Variants in UBR3 observed in about 807,000 individuals in gnomAD.
The protein encoded by UBR3 is E3 ubiquitin-protein ligase UBR3.
A neutral mutation model predicts 243.2 loss-of-function variants in UBR3; 85 were observed. The observed-to-expected ratio is 0.35, with a 90% CI of 0.29 to 0.42. The LOEUF (loss-of-function observed/expected upper bound fraction) is 0.42, where lower values mean the gene tolerates loss of function less well. Ranked by LOEUF, UBR3 falls within the 10% of genes least tolerant of loss-of-function variation. The pLI, the probability that UBR3 is intolerant of heterozygous loss-of-function variation, is 1.00. For synonymous variants in UBR3, 748 were observed against 799.8 expected (o/e 0.94, Z 1.09); for missense variants, 1,686 against 2,300.8 (o/e 0.73, Z 5.47).
chr2:170,046,859 T>A (rs2091101549), intron 32 of UBR3, among the ~76,000 whole-genome samples: 1 of 152,206 alleles, frequency 6.6e-6, no homozygotes, highest in Non-Finnish European at 1.5e-5. Context: ...CCCAGTATTA[T>A]GAATTCTTGG....
chr2:169,923,434 C>T (rs570864949), intron 11 of UBR3, among the ~76,000 whole-genome samples: 2 of 152,254 alleles, frequency 1.3e-5, no homozygotes, highest in African/African-American at 2.4e-5. Context: ...ATTAGTAGCT[C>T]CTACCCCATA....
At chr2:169,872,478 T>G in intron 2 of UBR3, 103 bp downstream of exon 2, 1 of 839,084 alleles carries the variant, frequency 1.2e-6, no homozygotes, top group South Asian at 2.1e-5. Context: ...CTTTTTTTGT[T>G]TAACATTTAA....
chr2:170,053,099 G>A (rs2091258595), intron 32 of UBR3, among the ~76,000 whole-genome samples: 2 of 152,174 alleles, frequency 1.3e-5, no homozygotes, highest in South Asian at 4.1e-4. Context: ...AATTAACATA[G>A]AAGGCCTGAC....
At chr2:169,920,398 A>T (rs1220034611) in intron 11 of UBR3, among the ~76,000 whole-genome samples, 1 of 152,166 alleles carries the variant, frequency 6.6e-6, no homozygotes, top group Non-Finnish European at 1.5e-5. Flanking sequence ...GCACACCAAC[A>T]TGGCACATGT....
Position 169,872,236 on chromosome 2 carries a change from G to T in UBR3, c.546G>T (p.Gly182=), listed in dbSNP as rs2083460921. The part of the protein sequence containing the change: ...CGDSNVMRES[G]FCKRHQIKSS... ...AATTTTTTTCTTTTTCATATTACAG[G>T]TTTTGCAAAAGGCATCAAATTAAAT... The change falls in exon 2 of 39, where the codon GGG becomes GGT. Residue 182 remains glycine, a splice_region_variant and synonymous_variant. Coordinates refer to ENST00000272793, the MANE Select transcript of UBR3 (RefSeq NM_172070.4). 9 of 1,510,664 alleles carry T rather than the reference G, an allele frequency of 6.0e-6. No individual in the cohort carries two copies. In the South Asian group the frequency reaches 1.1e-4, roughly 18 times the overall value. 93.6% of individuals were successfully genotyped at this position (1,510,664 alleles called of 1,614,324 possible).
chr2:169,992,812 G>A (rs2089328822), intron 25 of UBR3, among the ~76,000 whole-genome samples: 1 of 152,170 alleles, frequency 6.6e-6, no homozygotes, highest in South Asian at 2.1e-4. Flanking sequence ...TCAGGCTAGA[G>A]TGCAGTGGCA....
intron 5 of UBR3, among the ~76,000 whole-genome samples, chr2:169,883,562 C>T (rs2083975290): frequency 6.6e-6 from 1 of 152,172 alleles, no homozygotes; most frequent in South Asian, 2.1e-4. Context: ...ACTTCCACAA[C>T]CAGGATATGA....
chr2:169,986,520 T>C, intron 24 of UBR3, 125 bp from the exon 25 acceptor site: 2 of 800,448 alleles, frequency 2.5e-6, no homozygotes, highest in South Asian at 2.2e-5. Context: ...TTCCACAGTT[T>C]TATTACTGTA....
At chr2:170,077,927 A>G in intron 36 of UBR3, 1 of 521,962 alleles carries the variant, frequency 1.9e-6, no homozygotes, top group Non-Finnish European at 3.6e-6. Flanking sequence ...TCCCTGGGCA[A>G]GTTACATTTA....
chr2:169,962,728 C>T (rs1260540635), intron 24 of UBR3, among the ~76,000 whole-genome samples: 1 of 148,616 alleles, frequency 6.7e-6, no homozygotes, highest in Non-Finnish European at 1.5e-5. Flanking sequence ...AAAAATCTTT[C>T]TGAAAGAGTT....
chr2:170,006,484 G>T (rs2089916711), intron 27 of UBR3, among the ~76,000 whole-genome samples: 1 of 152,176 alleles, frequency 6.6e-6, no homozygotes, highest in South Asian at 2.1e-4. Flanking sequence ...CACTAACTCA[G>T]TTGTCCAATC....
chr2:169,986,877 A>T, intron 25 of UBR3, 83 bp downstream of exon 25: 2 of 1,420,842 alleles, frequency 1.4e-6, no homozygotes, highest in Non-Finnish European at 1.9e-6. Flanking sequence ...TATTAAATGA[A>T]AATTATATCT....
intron 30 of UBR3, among the ~76,000 whole-genome samples, chr2:170,021,049 G>GCAGC: frequency 6.6e-6 from 1 of 152,230 alleles, no homozygotes; most frequent in Middle Eastern, 3.4e-3. Flanking sequence ...CCTTTTAAAG[G>GCAGC]ATGGTGATAT....
At chr2:170,023,347 A>T (rs751408045) in intron 30 of UBR3, among the ~76,000 whole-genome samples, 10 of 152,138 alleles carry the variant, frequency 6.6e-5, no homozygotes, top group Non-Finnish European at 1.2e-4. Flanking sequence ...ATACAGACCC[A>T]GTTAAGTTTA....
At chr2:170,004,977 A>C (rs1352733928) in intron 27 of UBR3, among the ~76,000 whole-genome samples, 1 of 152,196 alleles carries the variant, frequency 6.6e-6, no homozygotes, top group Non-Finnish European at 1.5e-5. Context: ...TAATCCCAGC[A>C]CTTTGGGAGG....
intron 30 of UBR3, among the ~76,000 whole-genome samples, chr2:170,026,248 G>A (rs2090526713): frequency 6.6e-6 from 1 of 152,018 alleles, no homozygotes; most frequent in African/African-American, 2.4e-5. Flanking sequence ...GTTAATATGT[G>A]TTTGTAGAGT....
At chr2:169,944,113 T>C (rs2086699493) in intron 20 of UBR3, among the ~76,000 whole-genome samples, 1 of 152,238 alleles carries the variant, frequency 6.6e-6, no homozygotes, top group Admixed American at 6.5e-5. Context: ...ACTGAAAAGA[T>C]ATTTGTATTT....
intron 31 of UBR3, among the ~76,000 whole-genome samples, chr2:170,034,438 GC>G (rs2090770711): frequency 1.3e-5 from 2 of 151,928 alleles, no homozygotes; most frequent in South Asian, 4.1e-4. Context: ...ACAATATGTA[GC>G]TTTTCACATT....
intron 30 of UBR3, among the ~76,000 whole-genome samples, chr2:170,017,522 GAC>G (rs66540837): frequency 0.013 from 1,891 of 145,186 alleles, 19 homozygotes; most frequent in East Asian, 0.041. Flanking sequence ...TATAATTACG[GAC>G]ACACACACAC....
Sources: gnomAD v4.1 joint callset for allele counts (sites outside exome capture counted in the v4.1 genomes callset) on GRCh38, gnomAD v4.1.1 for gene constraint, MANE v1.5 for transcripts, NCBI Gene and HGNC (gene_info 2026-07-23, HGNC 2026-07-21) for gene names.